ASTN1: variants seen among roughly 807,000 people sequenced by gnomAD.
The protein encoded by ASTN1 is astrotactin-1.
In ASTN1, 41 loss-of-function variants were observed where a neutral mutation model predicts 140.7. The ratio of observed to expected loss-of-function variants is 0.29; its 90% confidence interval spans 0.23 to 0.38. ASTN1 has a LOEUF of 0.38. ASTN1 is among the 10% of genes least tolerant of loss of function. The pLI, the probability that ASTN1 is intolerant of heterozygous loss-of-function variation, is 1.00. For missense variants in ASTN1, 1,479 were observed against 1,678.8 expected, an observed-to-expected ratio of 0.88 and a Z score of 2.08; for synonymous variants, 640 against 652.2, an observed-to-expected ratio of 0.98 and a Z score of 0.29.
rs563135265 is a variant in ASTN1 at position 177,025,674 on chromosome 1, T to C, written c.1121-942A>G. ...CCATTAAGGCAGACACTGTGCTGAG[T>C]TTTTTTACGTACCTTATTTTATTTT... On this transcript the variant is annotated intron_variant, in intron 5 of 22. Coordinates refer to ENST00000361833, the MANE Select transcript of ASTN1 (RefSeq NM_004319.3). Among the ~76,000 whole-genome samples, 3 of 152,250 alleles carry C rather than the reference T, an allele frequency of 2.0e-5. No homozygotes were observed. In the East Asian group the frequency reaches 5.8e-4, roughly 29 times the overall value.
intron 1 of ASTN1, among the ~76,000 whole-genome samples, chr1:177,069,826 CAT>C (rs1678550823): frequency 6.6e-6 from 1 of 150,428 alleles, no homozygotes; most frequent in South Asian, 2.1e-4. Context: ...AGTTTATCCA[CAT>C]GATACTCATT....
chr1:177,099,612 GGTC>G (rs1353932385), intron 1 of ASTN1, among the ~76,000 whole-genome samples: 3 of 152,074 alleles, frequency 2.0e-5, no homozygotes, highest in African/African-American at 7.2e-5. Context: ...AGATATTTGA[GGTC>G]TGGAAAATTC....
At chr1:176,973,617 CT>C (rs1175635467) in intron 8 of ASTN1, among the ~76,000 whole-genome samples, 3 of 152,148 alleles carry the variant, frequency 2.0e-5, no homozygotes, top group Non-Finnish European at 4.4e-5. Context: ...TCCAGATCAC[CT>C]TTTCATACCT....
chr1:176,982,576 C>G (rs1026166814), intron 8 of ASTN1, among the ~76,000 whole-genome samples: 1 of 152,168 alleles, frequency 6.6e-6, no homozygotes, highest in Non-Finnish European at 1.5e-5. Context: ...CCTGATCTAA[C>G]AAGTTCTCCG....
chr1:177,013,600 G>A (rs1205165427), intron 8 of ASTN1, among the ~76,000 whole-genome samples: 2 of 152,140 alleles, frequency 1.3e-5, no homozygotes, highest in Non-Finnish European at 2.9e-5. Flanking sequence ...CACACGGAAG[G>A]GGCAGATCAT....
intron 1 of ASTN1, among the ~76,000 whole-genome samples, chr1:177,135,615 G>C (rs1682157149): frequency 6.6e-6 from 1 of 152,180 alleles, no homozygotes; most frequent in African/African-American, 2.4e-5. Context: ...GGGGGTACGG[G>C]AAGAGGGGAA....
intron 1 of ASTN1, among the ~76,000 whole-genome samples, chr1:177,141,735 C>T (rs1682478707): frequency 6.6e-6 from 1 of 152,176 alleles, no homozygotes; most frequent in African/African-American, 2.4e-5. Flanking sequence ...TTCCAACTGC[C>T]TGGCTCTTAT....
At chr1:176,979,709 A>G (rs1673523863) in intron 8 of ASTN1, among the ~76,000 whole-genome samples, 1 of 152,188 alleles carries the variant, frequency 6.6e-6, no homozygotes, top group South Asian at 2.1e-4. Flanking sequence ...AACAAAACAA[A>G]AAAACAAAGC....
intron 8 of ASTN1, among the ~76,000 whole-genome samples, chr1:176,975,376 C>T (rs528131437): frequency 4.6e-5 from 7 of 152,332 alleles, no homozygotes; most frequent in South Asian, 4.1e-4. Flanking sequence ...AGGATTGTCA[C>T]GGAGCACTAT....
intron 2 of ASTN1, 46 bp downstream of exon 2, chr1:177,061,032 G>A: frequency 1.4e-6 from 2 of 1,449,012 alleles, no homozygotes; most frequent in Non-Finnish European, 1.8e-6. Flanking sequence ...TAATGTCAAG[G>A]TAACATAAGC....
At chr1:177,158,994 G>A (rs2102263248) in intron 1 of ASTN1, among the ~76,000 whole-genome samples, 1 of 146,612 alleles carries the variant, frequency 6.8e-6, no homozygotes, top group Non-Finnish European at 1.5e-5. Context: ...TTGAATCTGA[G>A]AGGTGGAGGT....
chr1:176,886,946 G>A (rs1418013367), intron 18 of ASTN1, among the ~76,000 whole-genome samples: 1 of 152,180 alleles, frequency 6.6e-6, no homozygotes, highest in South Asian at 2.1e-4. Context: ...TGCCATATTA[G>A]AGGCTACAAG....
intron 16 of ASTN1, among the ~76,000 whole-genome samples, chr1:176,931,007 C>T (rs1248924293): frequency 2.6e-5 from 4 of 151,924 alleles, no homozygotes; most frequent in Non-Finnish European, 5.9e-5. Context: ...GAGGGATGGG[C>T]GCCGGCACGC....
intron 8 of ASTN1, among the ~76,000 whole-genome samples, chr1:177,014,507 G>A (rs1444641363): frequency 2.6e-5 from 4 of 152,164 alleles, no homozygotes; most frequent in African/African-American, 9.7e-5. Flanking sequence ...GAATCCTCAT[G>A]GCTGGTGGTG....
chr1:177,024,443 C>T (rs1405971296), intron 6 of ASTN1, 140 bp downstream of exon 6: 19 of 1,093,912 alleles, frequency 1.7e-5, no homozygotes, highest in Admixed American at 2.6e-5. Flanking sequence ...CAATTGTATC[C>T]TCATCCTTAC....
At chr1:177,132,803 AAAGCTGTTCACTG>A (rs1375012038) in intron 1 of ASTN1, among the ~76,000 whole-genome samples, 1 of 152,206 alleles carries the variant, frequency 6.6e-6, no homozygotes, top group East Asian at 1.9e-4. Context: ...TGATGCCAGT[AAAGCTGTTCACTG>A]AAGACCTGAA....
At chr1:176,864,935 A>G (rs181262603) in intron 22 of ASTN1, among the ~76,000 whole-genome samples, 22 of 152,332 alleles carry the variant, frequency 1.4e-4, no homozygotes, top group African/African-American at 5.3e-4. Flanking sequence ...CCGCTTCTGA[A>G]CTGGTAGAAG....
intron 16 of ASTN1, among the ~76,000 whole-genome samples, chr1:176,905,388 A>T (rs922306685): frequency 1.3e-5 from 2 of 152,232 alleles, no homozygotes; most frequent in Non-Finnish European, 2.9e-5. Context: ...CAAATGGTCT[A>T]GAAATTTTTA....
In ASTN1 at chr1:176,863,691, C is replaced by A; in HGVS notation, c.*593G>T. On this transcript the variant is annotated 3_prime_UTR_variant, in exon 23 of 23. Coordinates refer to ENST00000361833, the MANE Select transcript of ASTN1 (RefSeq NM_004319.3). Reference sequence around the variant, plus strand: ...GGGCCTATAATGAAAGCTGGTTTCACCTTTCGGGTATGGAAATAGTGATAG... The same window carrying A: ...GGGCCTATAATGAAAGCTGGTTTCAACTTTCGGGTATGGAAATAGTGATAG... The A allele has an allele frequency of 2.0e-6, 2 of 985,796 alleles. No individual in the cohort carries two copies. Among genetic ancestry groups the A allele is most frequent in the Non-Finnish European group, 2.4e-6 (2 of 830,232 alleles). The allele number at this position is 985,796 out of a possible 1,614,324, so 61.1% of individuals were successfully genotyped here. A position where few individuals can be genotyped will look rare whatever the true frequency, so the allele number is the denominator to read the frequency against.
Sources: allele counts gnomAD v4.1 joint callset (sites outside exome capture counted in the v4.1 genomes callset), GRCh38; gene constraint gnomAD v4.1.1; transcripts MANE v1.5; gene names NCBI Gene and HGNC (gene_info 2026-07-23, HGNC 2026-07-21).